Variants in FCRL4 observed in about 807,000 individuals in gnomAD.
FCRL4 encodes the protein Fc receptor-like protein 4.
In FCRL4, 43 loss-of-function variants were observed where a neutral mutation model predicts 64.1. That is an observed-to-expected ratio of 0.67 (90% confidence interval 0.53 to 0.87). The LOEUF is 0.87. Among genes scored for constraint, FCRL4 ranks in the 40% least tolerant of loss-of-function variants. The probability of loss-of-function intolerance (pLI) is 0.00; values close to 1 mark genes in which losing one functional copy is unlikely to be tolerated. For synonymous variants in FCRL4, 253 were observed against 239.8 expected, an observed-to-expected ratio of 1.05 and a Z score of -0.51; for missense variants, 656 against 613.5, an observed-to-expected ratio of 1.07 and a Z score of -0.73.
At chr1:157,596,917 A>G (rs1652978726) in intron 1 of FCRL4, among the ~76,000 whole-genome samples, 1 of 152,162 alleles carries the variant, frequency 6.6e-6, no homozygotes, top group Non-Finnish European at 1.5e-5. Context: ...TGTAAATGGG[A>G]GTTATAAAAG....
rs140433088 is a variant in FCRL4, at chr1:157,581,601, A to G, written c.1179T>C (p.Thr393=). 4.2e-4 allele frequency: 683 copies of G among 1,614,148 alleles called. 6 individuals are homozygous for G. In the East Asian group the frequency reaches 0.015, roughly 35 times the overall value. ...GGAGAAGAGCACTGAGCAGCCCTCCAGTGGCTCCCGCGGCGACAAGGCCAT... is the reference window on the plus strand; with the variant it reads ...GGAGAAGAGCACTGAGCAGCCCTCCGGTGGCTCCCGCGGCGACAAGGCCAT... The part of the protein sequence containing the change: ...NRDGLVAAGA[T]GGLLSALLLA... The change falls in exon 7 of 12, where the codon ACT becomes ACC. Residue 393 remains threonine (T), a synonymous_variant. Coordinates refer to ENST00000271532, the MANE Select transcript of FCRL4 (RefSeq NM_031282.3).
rs138013735 is a variant in FCRL4, at chr1:157,581,543, G to A, written c.1237C>T (p.Arg413Trp). The change falls in exon 7 of 12, where the codon CGG becomes TGG. Residue 413 changes from arginine to tryptophan, a missense_variant. Coordinates refer to ENST00000271532, the MANE Select transcript of FCRL4 (RefSeq NM_031282.3). ...AVALLFHCWR[R>W]RKSGVGFLGD... ...AAAGAGCACAAACCTGACTTCCTCCGACGCCAGCAGTGAAACAGCAGGGCC... is the reference window on the plus strand; with the variant it reads ...AAAGAGCACAAACCTGACTTCCTCCAACGCCAGCAGTGAAACAGCAGGGCC... 1,993 of 1,613,840 alleles carry A rather than the reference G, an allele frequency of 1.2e-3. 3 individuals carry two copies. The highest frequency in any genetic ancestry group is 1.6e-3 in the Non-Finnish European group (1,836 of 1,179,870).
intron 7 of FCRL4, 21 bp from the exon 8 acceptor site, chr1:157,580,369 G>A (rs375255312): frequency 9.2e-5 from 149 of 1,613,834 alleles, no homozygotes; most frequent in Non-Finnish European, 1.2e-4. Flanking sequence ...AAGCAAAGAC[G>A]CATTTTTGTC....
At chr1:157,578,145 C>G (rs1652456986) in intron 10 of FCRL4, among the ~76,000 whole-genome samples, 1 of 152,062 alleles carries the variant, frequency 6.6e-6, no homozygotes, top group Non-Finnish European at 1.5e-5. Flanking sequence ...ATTCTCAGCA[C>G]AATGCTTACC....
chr1:157,586,078 G>A lies in FCRL4; in HGVS notation c.1135+90C>T, dbSNP rs773744122. ...GCATGGCAAAATGGAAACAGAAACA[G>A]CAGAGTCACAGGGTAATGTTAGCTA... On this transcript the variant is annotated intron_variant, in intron 6 of 11. Transcript: ENST00000271532. The A allele has an allele frequency of 5.6e-5, 72 of 1,293,076 alleles. No homozygotes were observed. The Middle Eastern group carries it at 3.5e-3, about 62-fold the overall frequency. The allele number at this position is 1,293,076 out of a possible 1,614,324, so 80.1% of individuals were successfully genotyped here. A position where few individuals can be genotyped will look rare whatever the true frequency, so the allele number is the denominator to read the frequency against.
At chr1:157,579,800 T>A (rs1416835683) in intron 8 of FCRL4, among the ~76,000 whole-genome samples, 1 of 152,164 alleles carries the variant, frequency 6.6e-6, no homozygotes, top group Non-Finnish European at 1.5e-5. Context: ...GAATTAGACA[T>A]AATCCACACT....
intron 6 of FCRL4, among the ~76,000 whole-genome samples, chr1:157,582,810 G>C (rs1314690581): frequency 6.6e-6 from 1 of 152,318 alleles, no homozygotes; most frequent in South Asian, 2.1e-4. Context: ...ACAGCTGAAA[G>C]AGTACGGTGG....
chr1:157,575,783 C>T, intron 10 of FCRL4, 53 bp from the exon 11 acceptor site: 1 of 1,578,536 alleles, frequency 6.3e-7, no homozygotes, highest in Non-Finnish European at 8.7e-7. Flanking sequence ...GCACTTAGAA[C>T]TCAGTCTGTT....
chr1:157,578,119 A>G (rs1652456418), intron 10 of FCRL4, among the ~76,000 whole-genome samples: 1 of 152,162 alleles, frequency 6.6e-6, no homozygotes, highest in South Asian at 2.1e-4. Flanking sequence ...ATGTATACAT[A>G]TATATATGTA....
Position 157,587,910 on chromosome 1 carries a change from C to G in FCRL4, c.517G>C (p.Glu173Gln). The G allele has an allele frequency of 6.2e-7, 1 of 1,610,372 alleles. No individual in the cohort carries two copies. Among genetic ancestry groups the G allele is most frequent in the Non-Finnish European group, 8.5e-7 (1 of 1,177,186 alleles). The change falls in exon 4 of 12, where the codon GAG becomes CAG. Residue 173 changes from glutamate to glutamine, a missense_variant. Physicochemically the swap from Glu to Gln is conservative, Grantham distance 29. Coordinates refer to ENST00000271532, the MANE Select transcript of FCRL4 (RefSeq NM_031282.3). ...AAATTTGATCTAAATACATCATTCT[C>G]GTCTCCATATCCAATGCATCGATAA... The part of the protein sequence containing the change: ...GNYRCIGYGD[E>Q]NDVFRSNFKI...
At position 157,587,400 on chromosome 1, in the gene FCRL4, G is replaced by A. The variant is rs1652726814; in HGVS notation, c.723C>T (p.Ser241=). Residue 241 remains serine (S), a synonymous_variant, in exon 5 of 12, where the codon AGC becomes AGT. Coordinates refer to ENST00000271532, the MANE Select transcript of FCRL4 (RefSeq NM_031282.3). The part of the protein sequence containing the change: ...RDGEVILSDW[S]TYPELQLPTV... ...TTGGGAGCTGGAGTTCCGGGTACGT[G>A]CTCCAGTCTGACAGGATGACCTCGC... 6.2e-7 allele frequency: 1 copy of A among 1,614,228 alleles called. No individual in the cohort carries two copies. Among genetic ancestry groups the A allele is most frequent in the Admixed American group, 1.7e-5 (1 of 60,028 alleles).
Position 157,587,851 on chromosome 1 carries a change from A to G in FCRL4, c.562+14T>C. On this transcript the variant is annotated intron_variant, in intron 4 of 11. Transcript: ENST00000271532. ...GTCATTACTAAGCAAATCTATATGA[A>G]CTGAAAGATTCACCTTGAATTTTAA... 6.3e-7 allele frequency: 1 copy of G among 1,597,044 alleles called. No individual in the cohort carries two copies. Among genetic ancestry groups the G allele is most frequent in the Non-Finnish European group, 8.6e-7 (1 of 1,167,420 alleles).
At chr1:157,587,844 T>A in intron 4 of FCRL4, 21 bp downstream of exon 4, 1 of 1,592,756 alleles carries the variant, frequency 6.3e-7, no homozygotes, top group Non-Finnish European at 8.6e-7. Flanking sequence ...TAAGCAAATC[T>A]ATATGAACTG....
At position 157,581,585 on chromosome 1, in the gene FCRL4, C is replaced by G; in HGVS notation, c.1195G>C (p.Ala399Pro). The G allele has an allele frequency of 6.2e-7, 1 of 1,614,144 alleles. No homozygotes were observed. The highest frequency in any genetic ancestry group is 8.5e-7 in the Non-Finnish European group (1 of 1,180,002). Residue 399 changes from alanine to proline, a missense_variant, in exon 7 of 12, where the codon GCT becomes CCT. Ala to Pro is a conservative substitution (Grantham distance 27). Coordinates refer to ENST00000271532, the MANE Select transcript of FCRL4 (RefSeq NM_031282.3). ...AAGATGGLLS[A>P]LLLAVALLFH... ...AGCAGGGCCACAGCCAGGAGAAGAG[C>G]ACTGAGCAGCCCTCCAGTGGCTCCC...
chr1:157,581,643 C>T lies in FCRL4; in HGVS notation c.1137G>A (p.Glu379=), dbSNP rs755630731. The T allele has an allele frequency of 1.9e-5, 30 of 1,612,550 alleles. No individual in the cohort carries two copies. The highest frequency in any genetic ancestry group is 2.4e-5 in the Non-Finnish European group (28 of 1,179,056). ...CAAGGCCATCTCTGTTGCCTGGGGT[C>T]TCTAAGGGGAAAGGACCTGTGTGAA... is the stretch of plus-strand genomic sequence containing the variant. ...QSMVLNVTVR[E]TPGNRDGLVA... The change falls in exon 7 of 12, where the codon GAG becomes GAA. Residue 379 remains glutamate, a splice_region_variant and synonymous_variant. Coordinates refer to ENST00000271532, the MANE Select transcript of FCRL4 (RefSeq NM_031282.3).
chr1:157,592,076 C>T (rs994719946), intron 2 of FCRL4, among the ~76,000 whole-genome samples: 1 of 152,146 alleles, frequency 6.6e-6, no homozygotes, highest in Admixed American at 6.5e-5. Flanking sequence ...CTTCCTTACA[C>T]CTTATACAAA....
At chr1:157,589,995 C>T (rs899030795) in intron 2 of FCRL4, among the ~76,000 whole-genome samples, 1 of 152,132 alleles carries the variant, frequency 6.6e-6, no homozygotes, top group Non-Finnish European at 1.5e-5. Context: ...AGGAAGTTTT[C>T]CCTTATAAAG....
intron 2 of FCRL4, among the ~76,000 whole-genome samples, chr1:157,594,388 C>T (rs1296090562): frequency 6.6e-6 from 1 of 152,196 alleles, no homozygotes; most frequent in Non-Finnish European, 1.5e-5. Flanking sequence ...ACCTGTCTCC[C>T]TACTTCTCCC....
chr1:157,580,549 A>T (rs1312385127), intron 7 of FCRL4: 5 of 584,620 alleles, frequency 8.6e-6, no homozygotes. Flanking sequence ...CACACTCCTG[A>T]GTTAAGTATG....
Sources: gnomAD v4.1 joint callset for allele counts (sites outside exome capture counted in the v4.1 genomes callset) on GRCh38, gnomAD v4.1.1 for gene constraint, MANE v1.5 for transcripts, NCBI Gene and HGNC (gene_info 2026-07-23, HGNC 2026-07-21) for gene names.